Variants in ANKS1B observed in about 807,000 individuals in gnomAD.
ANKS1B encodes the protein ankyrin repeat and sterile alpha motif domain containing 1B.
A neutral mutation model predicts 148.3 loss-of-function variants in ANKS1B; 36 were observed. The observed-to-expected ratio is 0.24, with a 90% CI of 0.19 to 0.32. The LOEUF is 0.32. Ranked by LOEUF, ANKS1B falls within the 10% of genes least tolerant of loss-of-function variation. ANKS1B has a pLI of 1.00. For missense variants in ANKS1B, 1,157 were observed against 1,542.6 expected (o/e 0.75, Z 4.19); for synonymous variants, 542 against 560.8 (o/e 0.97, Z 0.47).
At chr12:99,814,156 T>G (rs1277345562) in intron 2 of ANKS1B, among the ~76,000 whole-genome samples, 2 of 151,640 alleles carry the variant, frequency 1.3e-5, no homozygotes, top group Non-Finnish European at 3.0e-5. Flanking sequence ...CACTTAGATT[T>G]GTGTAAGTGC....
At position 99,762,564 on chromosome 12, in the gene ANKS1B, A is replaced by G. The variant is rs568803257; in HGVS notation, c.1128+10358T>C. Among the ~76,000 whole-genome samples, 65 of 152,298 alleles carry G rather than the reference A, an allele frequency of 4.3e-4. 1 individual carries two copies. The South Asian group carries it at 0.013, about 31-fold the overall frequency. On this transcript the variant is annotated intron_variant, in intron 8 of 26. Transcript: ENST00000683438. ...ATTAAAGATTTAGATGTAAGACCTC[A>G]AACTCTAAGAATCTTAGAATGAAAC...
chr12:99,270,696 C>A (rs1455967777), intron 12 of ANKS1B, among the ~76,000 whole-genome samples: 2 of 152,264 alleles, frequency 1.3e-5, no homozygotes, highest in Middle Eastern at 3.4e-3. Flanking sequence ...ATTTTTTGCA[C>A]TAGAGCTGGA....
At chr12:99,068,844 C>A (rs1452044705) in intron 16 of ANKS1B, among the ~76,000 whole-genome samples, 1 of 152,084 alleles carries the variant, frequency 6.6e-6, no homozygotes, top group Non-Finnish European at 1.5e-5. Flanking sequence ...CCTTCAATGT[C>A]CTAGTTGGCT....
At chr12:99,811,078 T>A (rs1455592016) in intron 3 of ANKS1B, among the ~76,000 whole-genome samples, 4 of 151,994 alleles carry the variant, frequency 2.6e-5, no homozygotes, top group African/African-American at 7.2e-5. Flanking sequence ...TTTATTGTGA[T>A]AAATATTAAT....
In ANKS1B at chr12:99,527,617, A is replaced by C. The variant is rs539026002; in HGVS notation, c.1273-22976T>G. Among the ~76,000 whole-genome samples, 14 of 152,280 alleles carry C rather than the reference A, an allele frequency of 9.2e-5. No individual in the cohort carries two copies. In the East Asian group the frequency reaches 2.1e-3, roughly 23 times the overall value. ...AATTGTTGGTGAAATATACTTGGAA[A>C]ATACAGGAAGAGTAGTTCAAGAGCA... On this transcript the variant is annotated intron_variant, in intron 9 of 26. Transcript: ENST00000683438.
intron 15 of ANKS1B, chr12:99,099,653 A>G (rs1352182708): frequency 1.3e-5 from 2 of 152,250 alleles, no homozygotes; most frequent in Non-Finnish European, 2.9e-5. Flanking sequence ...TAAAAACACA[A>G]AATATAAACT....
At chr12:98,755,041 G>A (rs1161248837) in intron 25 of ANKS1B, among the ~76,000 whole-genome samples, 1 of 152,034 alleles carries the variant, frequency 6.6e-6, no homozygotes, top group East Asian at 1.9e-4. Context: ...TACTGATGCT[G>A]GATGCCAGGA....
chr12:99,968,354 G>A (rs891207101), intron 1 of ANKS1B, among the ~76,000 whole-genome samples: 1 of 152,042 alleles, frequency 6.6e-6, no homozygotes, highest in Non-Finnish European at 1.5e-5. Flanking sequence ...TCAGGAAATC[G>A]AGACCATTTG....
At chr12:99,738,980 G>A (rs568386661) in intron 8 of ANKS1B, among the ~76,000 whole-genome samples, 1 of 152,044 alleles carries the variant, frequency 6.6e-6, no homozygotes, top group Non-Finnish European at 1.5e-5. Flanking sequence ...TAAGTACTCT[G>A]TGGAATATTA....
chr12:99,590,014 A>C (rs1441832585), intron 9 of ANKS1B, among the ~76,000 whole-genome samples: 3 of 152,204 alleles, frequency 2.0e-5, no homozygotes, highest in Admixed American at 1.3e-4. Context: ...TAGGGTGGTT[A>C]GTCAACATGG....
At chr12:99,165,890 T>C (rs1303328642) in intron 14 of ANKS1B, among the ~76,000 whole-genome samples, 1 of 151,872 alleles carries the variant, frequency 6.6e-6, no homozygotes, top group African/African-American at 2.4e-5. Flanking sequence ...AACAAAATTT[T>C]GGCAAATAGT....
chr12:99,626,949 C>T (rs1488165336), intron 9 of ANKS1B, among the ~76,000 whole-genome samples: 10 of 152,136 alleles, frequency 6.6e-5, no homozygotes, highest in Non-Finnish European at 1.3e-4. Flanking sequence ...ATAAAATATG[C>T]ACTGGCCATT....
At chr12:99,494,499 C>T (rs928215366) in intron 10 of ANKS1B, among the ~76,000 whole-genome samples, 6 of 151,782 alleles carry the variant, frequency 4.0e-5, no homozygotes, top group East Asian at 3.9e-4. Context: ...TTTGGGAGGC[C>T]GAGGTGGGCG....
chr12:99,578,289 T>G (rs1001629390), intron 9 of ANKS1B, among the ~76,000 whole-genome samples: 3 of 151,958 alleles, frequency 2.0e-5, no homozygotes, highest in African/African-American at 7.2e-5. Context: ...CTGGAAGCAT[T>G]CCCCATGAGA....
At chr12:99,877,576 C>G (rs538240524) in intron 1 of ANKS1B, among the ~76,000 whole-genome samples, 1 of 152,334 alleles carries the variant, frequency 6.6e-6, no homozygotes, top group East Asian at 1.9e-4. Context: ...TATTTTCATA[C>G]ATTTGTCAGT....
intron 4 of ANKS1B, among the ~76,000 whole-genome samples, chr12:99,798,364 A>G (rs1245455393): frequency 6.6e-6 from 1 of 151,610 alleles, no homozygotes; most frequent in Admixed American, 6.6e-5. Context: ...CATTTAACTC[A>G]GAAATAAAAT....
intron 25 of ANKS1B, among the ~76,000 whole-genome samples, chr12:98,753,913 C>T (rs984818535): frequency 2.0e-5 from 3 of 152,268 alleles, no homozygotes; most frequent in Non-Finnish European, 4.4e-5. Context: ...GATGTGTTTG[C>T]GATTGTTCGC....
At chr12:99,738,570 A>C (rs1355603439) in intron 8 of ANKS1B, among the ~76,000 whole-genome samples, 4 of 152,216 alleles carry the variant, frequency 2.6e-5, no homozygotes, top group African/African-American at 9.6e-5. Flanking sequence ...CTTCTAGATA[A>C]GATGACTGAA....
chr12:99,930,777 C>T (rs1247419998), intron 1 of ANKS1B, among the ~76,000 whole-genome samples: 1 of 152,190 alleles, frequency 6.6e-6, no homozygotes, highest in Non-Finnish European at 1.5e-5. Flanking sequence ...TTGTGGAAGT[C>T]AGTGTGGTGA....
Sources: allele counts gnomAD v4.1 joint callset (sites outside exome capture counted in the v4.1 genomes callset), GRCh38; gene constraint gnomAD v4.1.1; transcripts MANE v1.5; gene names NCBI Gene and HGNC (gene_info 2026-07-23, HGNC 2026-07-21).